CADPS2: variants seen among roughly 807,000 people sequenced by gnomAD.
The protein encoded by CADPS2 is calcium dependent secretion activator 2, also known as calcium-dependent secretion activator 2.
CADPS2 carries 93 observed loss-of-function variants against 172.5 expected under a neutral mutation model. The ratio of observed to expected loss-of-function variants is 0.54; its 90% CI spans 0.46 to 0.64. The LOEUF (loss-of-function observed/expected upper bound fraction) is 0.64, where lower values mean the gene tolerates loss of function less well. Ranked by LOEUF, CADPS2 falls within the 30% of genes least tolerant of loss-of-function variation. The pLI is 0.00. For missense variants in CADPS2, 1,420 were observed against 1,565.9 expected, an observed-to-expected ratio of 0.91 and a Z score of 1.57; for synonymous variants, 546 against 555.2, an observed-to-expected ratio of 0.98 and a Z score of 0.23.
intron 25 of CADPS2, among the ~76,000 whole-genome samples, chr7:122,369,140 CCCTTT>C (rs2041399292): frequency 1.1e-5 from 1 of 87,910 alleles, no homozygotes; most frequent in African/African-American, 4.6e-5. Flanking sequence ...CCCCCCCCCC[CCCTTT>C]TTTTTTTTTT....
At position 122,817,202 on chromosome 7, in the gene CADPS2, G is replaced by A. The variant is rs377136065; in HGVS notation, c.339+68797C>T. Among the ~76,000 whole-genome samples the A allele has an allele frequency of 1.7e-4, 26 of 152,256 alleles. No individual in the cohort carries two copies. In the East Asian group the frequency reaches 1.9e-3, roughly 11 times the overall value. On this transcript the variant is annotated intron_variant, in intron 1 of 29. Transcript: ENST00000449022. ...AATTTGGTGCTGTGACTCGGATGGG[G>A]GGACCTCCCTTGGGAGATCAATCCC...
intron 22 of CADPS2, 109 bp downstream of exon 22, chr7:122,393,087 C>A: frequency 1.6e-6 from 2 of 1,269,398 alleles, no homozygotes; most frequent in Non-Finnish European, 2.1e-6. Flanking sequence ...AACAGTATTC[C>A]TCAACCAACG....
intron 22 of CADPS2, among the ~76,000 whole-genome samples, chr7:122,392,381 T>G (rs1418462418): frequency 6.6e-6 from 1 of 150,740 alleles, no homozygotes; most frequent in Non-Finnish European, 1.5e-5. Flanking sequence ...AGGATATGCC[T>G]CAATACAGTT....
chr7:122,480,251 A>T, intron 12 of CADPS2: 1 of 317,490 alleles, frequency 3.1e-6, no homozygotes, highest in Non-Finnish European at 6.7e-6. Context: ...CATATTAGTA[A>T]TGTCCCAAAA....
At chr7:122,552,589 T>C (rs933538444) in intron 8 of CADPS2, among the ~76,000 whole-genome samples, 2 of 151,996 alleles carry the variant, frequency 1.3e-5, no homozygotes, top group African/African-American at 4.8e-5. Flanking sequence ...TCCTGGAGTA[T>C]GCTAAACCAA....
chr7:122,612,482 CA>C (rs2074414850), intron 6 of CADPS2, among the ~76,000 whole-genome samples: 1 of 151,694 alleles, frequency 6.6e-6, no homozygotes, highest in South Asian at 2.1e-4. Flanking sequence ...ATACATGTAA[CA>C]AAAAAATAAA....
At chr7:122,737,228 T>G (rs1296200855) in intron 1 of CADPS2, among the ~76,000 whole-genome samples, 160 bp from the exon 2 acceptor site, 1 of 152,220 alleles carries the variant, frequency 6.6e-6, no homozygotes, top group Non-Finnish European at 1.5e-5. Flanking sequence ...GTTCTAATGG[T>G]TAGACCTCCA....
At chr7:122,683,364 G>A (rs538938223) in intron 2 of CADPS2, among the ~76,000 whole-genome samples, 5 of 152,228 alleles carry the variant, frequency 3.3e-5, no homozygotes, top group African/African-American at 1.2e-4. Context: ...AGGCCAAAAA[G>A]GCAACATTTG....
intron 6 of CADPS2, among the ~76,000 whole-genome samples, chr7:122,605,565 A>G (rs1405063553): frequency 1.3e-5 from 2 of 152,102 alleles, no homozygotes; most frequent in Non-Finnish European, 2.9e-5. Context: ...CATTTCCTCC[A>G]GAAACTTAGA....
intron 14 of CADPS2, among the ~76,000 whole-genome samples, chr7:122,457,033 A>G (rs1302370194): frequency 6.6e-6 from 1 of 152,234 alleles, no homozygotes; most frequent in Non-Finnish European, 1.5e-5. Flanking sequence ...AGGTATTTTT[A>G]AACTAAAAGT....
chr7:122,589,912 G>C (rs2070482110), intron 6 of CADPS2, among the ~76,000 whole-genome samples: 1 of 151,840 alleles, frequency 6.6e-6, no homozygotes, highest in Non-Finnish European at 1.5e-5. Context: ...TTGAGGTATA[G>C]TTTACATGCA....
At chr7:122,722,088 C>A (rs2109965) in intron 2 of CADPS2, among the ~76,000 whole-genome samples, 20 of 151,638 alleles carry the variant, frequency 1.3e-4, no homozygotes, top group African/African-American at 4.8e-4. Context: ...CAATATCATA[C>A]TGAATGGGCA....
intron 20 of CADPS2, among the ~76,000 whole-genome samples, chr7:122,400,202 G>A (rs1327921316): frequency 5.3e-5 from 8 of 151,820 alleles, no homozygotes; most frequent in Admixed American, 3.3e-4. Context: ...TTGGGAGGCC[G>A]AGGCGGGTGG....
chr7:122,823,055 T>C (rs2140411732), intron 1 of CADPS2, among the ~76,000 whole-genome samples: 1 of 152,356 alleles, frequency 6.6e-6, no homozygotes, highest in South Asian at 2.1e-4. Flanking sequence ...ATTTCTCTGA[T>C]AATTAGTGAT....
intron 15 of CADPS2, among the ~76,000 whole-genome samples, chr7:122,444,382 G>C (rs2051840888): frequency 6.6e-6 from 1 of 152,138 alleles, no homozygotes. Context: ...AATCTGCCAA[G>C]TTATTTTCCA....
chr7:122,409,507 T>G (rs879015302), intron 19 of CADPS2: 19 of 319,162 alleles, frequency 6.0e-5, no homozygotes, highest in Non-Finnish European at 1.2e-4. Flanking sequence ...GGCAAGATTT[T>G]GCCATCAACT....
At chr7:122,526,348 T>G (rs757228749) in intron 8 of CADPS2, among the ~76,000 whole-genome samples, 1 of 151,948 alleles carries the variant, frequency 6.6e-6, no homozygotes, top group African/African-American at 2.4e-5. Flanking sequence ...TGCACCACCA[T>G]GCCCAGCTAA....
At chr7:122,784,512 G>A (rs887836193) in intron 1 of CADPS2, among the ~76,000 whole-genome samples, 2 of 152,162 alleles carry the variant, frequency 1.3e-5, no homozygotes, top group Non-Finnish European at 2.9e-5. Flanking sequence ...CAATATGTGG[G>A]TGATACTTTC....
At chr7:122,605,013 A>C (rs2073310625) in intron 6 of CADPS2, among the ~76,000 whole-genome samples, 1 of 152,150 alleles carries the variant, frequency 6.6e-6, no homozygotes, top group South Asian at 2.1e-4. Context: ...CCTGGGCTAC[A>C]AACCTGTATA....
Sources: allele counts gnomAD v4.1 joint callset (sites outside exome capture counted in the v4.1 genomes callset), GRCh38; gene constraint gnomAD v4.1.1; transcripts MANE v1.5; gene names NCBI Gene and HGNC (gene_info 2026-07-23, HGNC 2026-07-21).